Variants in TOMM20L observed in about 807,000 individuals in gnomAD.
TOMM20L encodes the protein translocase of outer mitochondrial membrane 20 like.
TOMM20L carries 19 observed loss-of-function variants against 20.4 expected under a neutral mutation model. That is an observed-to-expected ratio of 0.93 (90% CI 0.65 to 1.36). The LOEUF (loss-of-function observed/expected upper bound fraction) is 1.36, where lower values mean the gene tolerates loss of function less well. Ranked by LOEUF, TOMM20L falls within the 40% of genes most tolerant of loss-of-function variation. TOMM20L has a pLI of 0.00. For missense variants in TOMM20L, 218 were observed against 203.7 expected (o/e 1.07, Z -0.43); for synonymous variants, 75 against 79.6 (o/e 0.94, Z 0.30).
Position 58,396,029 on chromosome 14 carries a change from C to T in TOMM20L, c.72C>T (p.Gly24=). 2 of 1,450,690 alleles carry T rather than the reference C, an allele frequency of 1.4e-6. No homozygotes were observed. Among genetic ancestry groups the T allele is most frequent in the Non-Finnish European group, 1.8e-6 (2 of 1,096,568 alleles). 89.9% of individuals were successfully genotyped at this position (1,450,690 alleles called of 1,614,324 possible). A position where few individuals can be genotyped will look rare whatever the true frequency, so the allele number is the denominator to read the frequency against. Residue 24 remains glycine, a synonymous_variant, in exon 1 of 5, where the codon GGC becomes GGT. Transcript: ENST00000360945. ...CCTGTGGCGCCTTCGCCTTCCTGGG[C>T]TATTGTATTTACCTCAACCGGAAGC... ...AAACGAFAFL[G]YCIYLNRKRR...
At chr14:58,412,153 T>TC (rs1205385293), downstream of TOMM20L, 1 of 502,840 alleles carries the variant, frequency 2.0e-6, no homozygotes, top group East Asian at 3.4e-5. Flanking sequence ...AGATTTTCTT[T>TC]TTTTTTTTGA....
chr14:58,410,964 A>G, downstream of TOMM20L: 1 of 1,545,742 alleles, frequency 6.5e-7, no homozygotes, highest in East Asian at 2.2e-5. Flanking sequence ...AATGTTCTTT[A>G]GTATTTGGTT....
At chr14:58,407,613 C>T (rs148219821) in intron 4 of TOMM20L, 145 bp downstream of exon 4, 40 of 754,504 alleles carry the variant, frequency 5.3e-5, no homozygotes, top group East Asian at 2.2e-4. Context: ...TGCTTTAACA[C>T]GAAGCAAGCC....
At chr14:58,396,127 C>T (rs912960556) in intron 1 of TOMM20L, 34 bp downstream of exon 1, 6 of 1,276,218 alleles carry the variant, frequency 4.7e-6, no homozygotes, top group South Asian at 3.1e-5. Flanking sequence ...GCGGCCGGGC[C>T]GGGCAGCGCG....
chr14:58,404,115 A>AT (rs2036026261), intron 3 of TOMM20L, among the ~76,000 whole-genome samples: 2 of 15,166 alleles, frequency 1.3e-4, no homozygotes, highest in Non-Finnish European at 1.7e-4. Context: ...ATATATATAT[A>AT]TATATTTTTT....
At chr14:58,399,125 G>A (rs952042731) in intron 2 of TOMM20L, among the ~76,000 whole-genome samples, 10 of 152,344 alleles carry the variant, frequency 6.6e-5, no homozygotes, top group Admixed American at 6.5e-4. Context: ...AGCTCAAGCA[G>A]TCTGCCGGCC....
chr14:58,403,381 C>A (rs1412747439), intron 3 of TOMM20L, among the ~76,000 whole-genome samples: 1 of 151,996 alleles, frequency 6.6e-6, no homozygotes, highest in South Asian at 2.1e-4. Flanking sequence ...TTAAAAAATT[C>A]TAACTGCTTT....
chr14:58,396,461 G>A, intron 2 of TOMM20L, 120 bp downstream of exon 2: 1 of 1,087,584 alleles, frequency 9.2e-7, no homozygotes. Context: ...CCGTGCCCGG[G>A]AAGAGGCCTG....
chr14:58,402,868 C>T (rs1594997851), intron 3 of TOMM20L, 107 bp downstream of exon 3: 1 of 796,440 alleles, frequency 1.3e-6, no homozygotes, highest in African/African-American at 1.7e-5. Context: ...TTAGCCAACT[C>T]CCCTCATTAA....
chr14:58,402,952 G>A (rs1458000724), intron 3 of TOMM20L, among the ~76,000 whole-genome samples, 191 bp downstream of exon 3: 4 of 152,200 alleles, frequency 2.6e-5, no homozygotes, highest in East Asian at 1.9e-4. Context: ...TGCTCAAGTC[G>A]TAGACTTGGA....
intron 2 of TOMM20L, among the ~76,000 whole-genome samples, chr14:58,402,005 C>G (rs2035999143): frequency 6.6e-6 from 1 of 152,164 alleles, no homozygotes; most frequent in South Asian, 2.1e-4. Flanking sequence ...ATCATGCAAC[C>G]AAATCAACAG....
intron 3 of TOMM20L, 88 bp downstream of exon 3, chr14:58,402,849 C>T (rs1322043388): frequency 3.0e-6 from 3 of 1,011,534 alleles, no homozygotes; most frequent in Non-Finnish European, 4.6e-6. Context: ...AAATAACTAG[C>T]TGGATGTGTT....
intron 3 of TOMM20L, among the ~76,000 whole-genome samples, chr14:58,405,469 A>G (rs1310559336): frequency 6.6e-6 from 1 of 152,220 alleles, no homozygotes; most frequent in African/African-American, 2.4e-5. Context: ...ATCTGAACAT[A>G]AGTTGCAAAC....
intron 2 of TOMM20L, among the ~76,000 whole-genome samples, chr14:58,401,689 A>G (rs751845441): frequency 5.3e-5 from 8 of 152,188 alleles, no homozygotes; most frequent in Non-Finnish European, 1.0e-4. Flanking sequence ...AGTAACTGGC[A>G]GTGGAGTTGA....
chr14:58,413,183 G>C (rs2036278272), downstream of TOMM20L, among the ~76,000 whole-genome samples: 1 of 152,050 alleles, frequency 6.6e-6, no homozygotes. Context: ...CAATTTGAAT[G>C]CTAAATTTTC....
rs1006752305 is a variant in TOMM20L, at chr14:58,395,992, C to A, written c.35C>A (p.Ala12Asp). 1.4e-6 allele frequency: 2 copies of A among 1,454,818 alleles called. No homozygotes were observed. The highest frequency in any genetic ancestry group is 1.8e-6 in the Non-Finnish European group (2 of 1,096,708). The allele number at this position is 1,454,818 out of a possible 1,614,324, so 90.1% of individuals were successfully genotyped here. A position where few individuals can be genotyped will look rare whatever the true frequency, so the allele number is the denominator to read the frequency against. The change falls in exon 1 of 5, where the codon GCC becomes GAC. Residue 12 changes from alanine (A) to aspartate (D), a missense_variant. Ala to Asp is a moderately radical substitution (Grantham distance 126). Transcript: ENST00000360945. ...GTCCGCTCCCTCCTCCGCCTCTTGG[C>A]CGCCGCGGCGGCCTGTGGCGCCTTC... ...PSVRSLLRLLAAAAACGAFAF... is the reference protein window; with the variant it reads ...PSVRSLLRLLDAAAACGAFAF...
chr14:58,396,124 G>A, intron 1 of TOMM20L, 31 bp downstream of exon 1: 1 of 1,287,612 alleles, frequency 7.8e-7, no homozygotes, highest in Non-Finnish European at 9.8e-7. Flanking sequence ...GGCGCGGCCG[G>A]GCCGGGCAGC....
intron 2 of TOMM20L, among the ~76,000 whole-genome samples, chr14:58,398,161 A>G (rs2035950398): frequency 6.6e-6 from 1 of 152,188 alleles, no homozygotes; most frequent in Non-Finnish European, 1.5e-5. Context: ...ATACAGCTCC[A>G]TGTCCCTCGT....
chr14:58,404,080 T>G (rs1267863236), intron 3 of TOMM20L, among the ~76,000 whole-genome samples: 1 of 82,586 alleles, frequency 1.2e-5, no homozygotes, highest in African/African-American at 3.7e-5. Flanking sequence ...ATCAGTACAA[T>G]GTATATATAC....
Sources: gnomAD v4.1 joint callset for allele counts (sites outside exome capture counted in the v4.1 genomes callset) on GRCh38, gnomAD v4.1.1 for gene constraint, MANE v1.5 for transcripts, NCBI Gene and HGNC (gene_info 2026-07-23, HGNC 2026-07-21) for gene names.